The following KCTD15 variants were observed in gnomAD, a reference collection of about 807,000 sequenced individuals.
KCTD15 encodes the protein BTB/POZ domain-containing protein KCTD15.
KCTD15 carries 11 observed loss-of-function variants against 27.2 expected under a neutral mutation model. That is an observed-to-expected ratio of 0.41 (90% CI 0.25 to 0.67). The LOEUF is 0.67. Among genes scored for constraint, KCTD15 ranks in the 30% least tolerant of loss-of-function variants. The pLI is 0.35. For synonymous variants in KCTD15, 163 were observed against 176.0 expected (o/e 0.93, Z 0.58); for missense variants, 350 against 409.3 (o/e 0.86, Z 1.25).
At position 33,813,410 on chromosome 19, in the gene KCTD15, G is replaced by T. The variant is rs1218099359; in HGVS notation, c.*462G>T. ...CCTAACTGCAAAAGTCAGAGAGGCT[G>T]ACAAGGACCAATGCTTCTTTATCTG... On this transcript the variant is annotated 3_prime_UTR_variant, in exon 7 of 7. Coordinates refer to ENST00000683859, the MANE Select transcript of KCTD15 (RefSeq NM_001129994.2). The T allele has an allele frequency of 2.2e-6, 1 of 459,386 alleles. No individual in the cohort carries two copies. The highest frequency in any genetic ancestry group is 6.9e-5 in the East Asian group (1 of 14,524). The allele number at this position is 459,386 out of a possible 1,614,324, so 28.5% of individuals were successfully genotyped here.
chr19:33,805,482 G>A (rs1291508679), intron 4 of KCTD15, among the ~76,000 whole-genome samples: 1 of 152,200 alleles, frequency 6.6e-6, no homozygotes, highest in African/African-American at 2.4e-5. Flanking sequence ...AGAGGAGTGG[G>A]CTGCTGTTAG....
In KCTD15 at chr19:33,814,440, C is replaced by G. The variant is rs1976034639; in HGVS notation, c.*1492C>G. The G allele has an allele frequency of 6.6e-6, 1 of 152,128 alleles. No homozygotes were observed. The highest frequency in any genetic ancestry group is 1.5e-5 in the Non-Finnish European group (1 of 68,034). 9.4% of individuals were successfully genotyped at this position (152,128 alleles called of 1,614,324 possible). A position where few individuals can be genotyped will look rare whatever the true frequency, so the allele number is the denominator to read the frequency against. On this transcript the variant is annotated 3_prime_UTR_variant, in exon 7 of 7. Transcript: ENST00000683859. ...TATTTATTGCATTTGGGTGCCTGTCCCCTCAGGGCAGCACAGATTCTGAAT... is the reference window on the plus strand; with the variant it reads ...TATTTATTGCATTTGGGTGCCTGTCGCCTCAGGGCAGCACAGATTCTGAAT...
At chr19:33,799,476 C>T (rs889689920) in intron 2 of KCTD15, 13 of 152,244 alleles carry the variant, frequency 8.5e-5, no homozygotes, top group Admixed American at 5.2e-4. Context: ...CTCTTTCCTC[C>T]CTTTTGAGAC....
upstream of KCTD15, among the ~76,000 whole-genome samples, chr19:33,794,620 T>G (rs1012856376): frequency 6.6e-6 from 1 of 152,006 alleles, no homozygotes; most frequent in South Asian, 2.1e-4. Context: ...CATTCCACCC[T>G]CCACAAAGGC....
In KCTD15 at chr19:33,798,706, G is replaced by T. The variant is rs1975434866; in HGVS notation, c.-88G>T. On this transcript the variant is annotated 5_prime_UTR_variant, in exon 2 of 7. The change abolishes an upstream ATG in the 5' untranslated region. Coordinates refer to ENST00000683859, the MANE Select transcript of KCTD15 (RefSeq NM_001129994.2). ...AAGAGGGTCGTGGTCCCGCACGGAT[G>T]CGCTTGTTGGGAGAAACCTTGGAGA... is the stretch of plus-strand genomic sequence containing the variant. The T allele has an allele frequency of 6.6e-6, 1 of 152,592 alleles. No individual in the cohort carries two copies. The highest frequency in any genetic ancestry group is 1.5e-5 in the Non-Finnish European group (1 of 68,026). The allele number at this position is 152,592 out of a possible 1,614,324, so 9.5% of individuals were successfully genotyped here.
At chr19:33,797,283 TGC>T (rs757561501) in intron 1 of KCTD15, 8,509 of 115,308 alleles carry the variant, frequency 0.074, 316 homozygotes, top group African/African-American at 0.15. Context: ...TGTGTGTGTG[TGC>T]GCGCGCGCGC....
At chr19:33,794,425 A>G (rs1371496099), upstream of KCTD15, among the ~76,000 whole-genome samples, 10 of 152,354 alleles carry the variant, frequency 6.6e-5, no homozygotes, top group East Asian at 1.9e-4. Flanking sequence ...GCTTATACCA[A>G]TCTTTCAAGT....
chr19:33,808,048 C>T (rs1474525783), intron 5 of KCTD15, among the ~76,000 whole-genome samples: 3 of 152,358 alleles, frequency 2.0e-5, no homozygotes, highest in African/African-American at 7.2e-5. Context: ...CCCAGGTCTC[C>T]GGGTGAGCCC....
intron 4 of KCTD15, among the ~76,000 whole-genome samples, chr19:33,804,205 T>C (rs1402407114): frequency 6.6e-6 from 1 of 152,210 alleles, no homozygotes; most frequent in East Asian, 1.9e-4. Context: ...AAGGCCTCTG[T>C]CCTGGGAGAG....
intron 1 of KCTD15, chr19:33,797,273 TGTGTGTGTGTGC>T (rs780154382): frequency 0.1 from 32,728 of 319,142 alleles, 2,559 homozygotes; most frequent in Non-Finnish European, 0.12. Context: ...TGTGTGTGTG[TGTGTGTGTGTGC>T]GCGCGCGCGC....
upstream of KCTD15, among the ~76,000 whole-genome samples, chr19:33,795,736 CCGAAGCGGAGACTGGGGAGGGGCGT>C (rs1975299999): frequency 1.3e-5 from 2 of 152,084 alleles, no homozygotes; most frequent in Non-Finnish European, 2.9e-5. Flanking sequence ...GAAGGGGCGG[CCGAAGCGGAGACTGGGGAGGGGCGT>C]CCGGGGCGCG....
intron 3 of KCTD15, among the ~76,000 whole-genome samples, chr19:33,800,911 A>AT (rs1165032621): frequency 2.0e-5 from 3 of 151,760 alleles, no homozygotes; most frequent in Admixed American, 6.6e-5. Context: ...ACCTTGAAAA[A>AT]TTTTTTTTCT....
chr19:33,809,774 G>T (rs551610688), intron 5 of KCTD15, among the ~76,000 whole-genome samples: 24 of 152,236 alleles, frequency 1.6e-4, no homozygotes, highest in African/African-American at 4.8e-4. Flanking sequence ...GGGAGGCTGA[G>T]TCAGGAGGAT....
At chr19:33,802,298 T>G (rs60836462) in intron 4 of KCTD15, among the ~76,000 whole-genome samples, 5,331 of 152,256 alleles carry the variant, frequency 0.035, 294 homozygotes, top group African/African-American at 0.12. Flanking sequence ...GTGTTATGCA[T>G]TTGAAATAAC....
At chr19:33,800,260 G>A (rs1195927057) in intron 2 of KCTD15, among the ~76,000 whole-genome samples, 168 bp from the exon 3 acceptor site, 2 of 152,176 alleles carry the variant, frequency 1.3e-5, no homozygotes, top group East Asian at 3.9e-4. Context: ...GCTTTGGGGT[G>A]TGGAGACAGA....
At chr19:33,805,536 G>C (rs1234854159) in intron 4 of KCTD15, among the ~76,000 whole-genome samples, 1 of 152,232 alleles carries the variant, frequency 6.6e-6, no homozygotes, top group African/African-American at 2.4e-5. Context: ...TGCAGGCAGA[G>C]AGTGAGGGGC....
In KCTD15 at chr19:33,813,957, G is replaced by A. The variant is rs1434046928; in HGVS notation, c.*1009G>A. ...CTGGCGCTCTTGACCCCTGATTCCA[G>A]TGAGGACTGGCCCTGAGGAGTCCTT... On this transcript the variant is annotated 3_prime_UTR_variant, in exon 7 of 7. Transcript: ENST00000683859. 1 of 153,332 alleles carries A rather than the reference G, an allele frequency of 6.5e-6. No individual in the cohort carries two copies. Among genetic ancestry groups the A allele is most frequent in the Non-Finnish European group, 1.5e-5 (1 of 68,634 alleles). The allele number at this position is 153,332 out of a possible 1,614,324, so 9.5% of individuals were successfully genotyped here.
At chr19:33,806,251 T>C (rs539604984) in intron 4 of KCTD15, among the ~76,000 whole-genome samples, 20 of 152,344 alleles carry the variant, frequency 1.3e-4, no homozygotes, top group African/African-American at 4.8e-4. Flanking sequence ...CCGTCATGTC[T>C]CTGGGTGCCT....
At chr19:33,797,247 GGTGTGTGTGTGTGTGTGTGT>G (rs751185346) in intron 1 of KCTD15, among the ~76,000 whole-genome samples, 2 of 120,712 alleles carry the variant, frequency 1.7e-5, no homozygotes, top group Non-Finnish European at 3.6e-5. Flanking sequence ...CCTGCCGCGC[GGTGTGTGTGTGTGTGTGTGT>G]GTGTGTGTGT....
Sources: gnomAD v4.1 joint callset for allele counts (sites outside exome capture counted in the v4.1 genomes callset) on GRCh38, gnomAD v4.1.1 for gene constraint, MANE v1.5 for transcripts, NCBI Gene and HGNC (gene_info 2026-07-23, HGNC 2026-07-21) for gene names.